The following UPF2 variants were observed in gnomAD, a reference collection of about 807,000 sequenced individuals.
UPF2 encodes regulator of nonsense transcripts 2.
Under a neutral mutation model 141.4 loss-of-function variants are expected in UPF2, and 17 were observed. The ratio of observed to expected loss-of-function variants is 0.12; its 90% CI spans 0.08 to 0.18. UPF2 has a LOEUF of 0.18. Ranked by LOEUF, UPF2 falls within the 10% of genes least tolerant of loss-of-function variation. UPF2 has a pLI of 1.00. For synonymous variants in UPF2, 540 were observed against 498.0 expected (o/e 1.08, Z -1.12); for missense variants, 1,152 against 1,515.9 (o/e 0.76, Z 3.99).
intron 16 of UPF2, among the ~76,000 whole-genome samples, chr10:11,943,671 G>T (rs189229067): frequency 2.5e-4 from 38 of 152,274 alleles, no homozygotes; most frequent in African/African-American, 9.1e-4. Flanking sequence ...GAGGATGGAA[G>T]GACAAGCTTT....
chr10:12,030,196 CAAAT>C (rs765748223), intron 2 of UPF2, among the ~76,000 whole-genome samples: 2 of 151,302 alleles, frequency 1.3e-5, no homozygotes, highest in South Asian at 2.1e-4. Flanking sequence ...AAATGTGAAA[CAAAT>C]AAAAGCAATG....
intron 8 of UPF2, among the ~76,000 whole-genome samples, chr10:11,987,761 CAAAAAAAAAAAAAAAA>C (rs572687103): frequency 9.2e-5 from 5 of 54,144 alleles, no homozygotes; most frequent in Admixed American, 2.7e-4. Flanking sequence ...GACTCTGCCT[CAAAAAAAAAAAAAAAA>C]AAAAAAAAAA....
At chr10:12,006,049 T>C (rs1249386126) in intron 4 of UPF2, among the ~76,000 whole-genome samples, 1 of 151,658 alleles carries the variant, frequency 6.6e-6, no homozygotes, top group Non-Finnish European at 1.5e-5. Flanking sequence ...CCAGCTAATT[T>C]TTCCATTTTT....
intron 14 of UPF2, among the ~76,000 whole-genome samples, chr10:11,954,706 T>C (rs956770682): frequency 6.7e-6 from 1 of 148,868 alleles, no homozygotes; most frequent in African/African-American, 2.5e-5. Flanking sequence ...CTGGGCGCGA[T>C]GGTTCATGCC....
chr10:12,036,566 A>T (rs1056618684), intron 1 of UPF2, among the ~76,000 whole-genome samples: 2 of 152,230 alleles, frequency 1.3e-5, no homozygotes, highest in Non-Finnish European at 2.9e-5. Context: ...ACAGGCTTAT[A>T]GTTAACTGAA....
chr10:11,987,980 G>A (rs145354921), intron 8 of UPF2, among the ~76,000 whole-genome samples: 4 of 152,170 alleles, frequency 2.6e-5, no homozygotes, highest in African/African-American at 9.6e-5. Flanking sequence ...ACAACTCAGA[G>A]GATGGGAGAA....
rs1180757470 is a variant in UPF2 at position 11,992,991 on chromosome 10, C to T, written c.1844+4681G>A. ...TGGTGAAACCCCGTTTCTACTAAAA[C>T]TACAAAAAATTACCCGGGCGTGGTG... On this transcript the variant is annotated intron_variant, in intron 8 of 21. Coordinates refer to ENST00000357604, the MANE Select transcript of UPF2 (RefSeq NM_015542.4). This position sits in a 1 kb window ranked among gnomAD's most constrained non-coding sequence, Gnocchi z 4.1. Among the ~76,000 whole-genome samples, 1 of 151,704 alleles carries T rather than the reference C, an allele frequency of 6.6e-6. No individual in the cohort carries two copies. The highest frequency in any genetic ancestry group is 2.4e-5 in the African/African-American group (1 of 41,298).
intron 11 of UPF2, among the ~76,000 whole-genome samples, chr10:11,962,158 G>C (rs1833251101): frequency 6.6e-6 from 1 of 152,036 alleles, no homozygotes; most frequent in South Asian, 2.1e-4. Context: ...CTGTTAGCTG[G>C]CCTGCTTTAG....
rs747907456 is a variant in UPF2 at position 12,035,323 on chromosome 10, T to C, written c.101A>G (p.Lys34Arg). The change falls in exon 2 of 22, where the codon AAG (lysine) becomes AGG (arginine). Residue 34 changes from lysine to arginine, a missense_variant. Physicochemically the swap from Lys to Arg is conservative, Grantham distance 26. This residue lies in a region of UPF2 where 145 missense variants were observed against 136.5 expected (regional missense o/e 1.06). Transcript: ENST00000357604. ...DCSERRTVSS[K>R]ERPKDDIKLT... Reference sequence around the variant, plus strand: ...CTTGATATCGTCTTTTGGCCTCTCCTTGCTGCTCACTGTCCGCCTTTCACT... The same window carrying C: ...CTTGATATCGTCTTTTGGCCTCTCCCTGCTGCTCACTGTCCGCCTTTCACT... 1.2e-6 allele frequency: 2 copies of C among 1,613,986 alleles called. No individual in the cohort carries two copies. Among genetic ancestry groups the C allele is most frequent in the East Asian group, 2.2e-5 (1 of 44,872 alleles).
chr10:12,040,622 G>A (rs1460377701), intron 1 of UPF2, among the ~76,000 whole-genome samples: 4 of 151,848 alleles, frequency 2.6e-5, no homozygotes, highest in African/African-American at 9.7e-5. Flanking sequence ...CAAAAATCTA[G>A]AAGTTCATGA....
At chr10:11,969,420 C>T (rs939290613) in intron 9 of UPF2, among the ~76,000 whole-genome samples, 3 of 152,080 alleles carry the variant, frequency 2.0e-5, no homozygotes, top group Admixed American at 1.3e-4. Flanking sequence ...CCACCCGCCT[C>T]GGCCTCCAAA....
At chr10:12,041,049 A>G (rs58753018) in intron 1 of UPF2, among the ~76,000 whole-genome samples, 2,800 of 152,272 alleles carry the variant, frequency 0.018, 85 homozygotes, top group African/African-American at 0.063. Flanking sequence ...CTTTTTCACT[A>G]CCTACACTAA....
chr10:12,036,534 T>C (rs1017997157), intron 1 of UPF2, among the ~76,000 whole-genome samples: 5 of 152,208 alleles, frequency 3.3e-5, no homozygotes, highest in African/African-American at 9.6e-5. Context: ...GAAAGTTCTA[T>C]TGGATAGCAT....
intron 4 of UPF2, among the ~76,000 whole-genome samples, chr10:12,011,894 G>A (rs1252775150): frequency 1.5e-4 from 23 of 151,572 alleles, no homozygotes; most frequent in African/African-American, 4.8e-4. Flanking sequence ...GCAGTGAGCC[G>A]AGATCGCGCC....
chr10:12,000,131 T>G, intron 6 of UPF2, 122 bp from the exon 7 acceptor site: 1 of 747,598 alleles, frequency 1.3e-6, no homozygotes, highest in Non-Finnish European at 2.2e-6. Flanking sequence ...AGGAAAACAT[T>G]AGTCATTTTT....
rs1833891361 is a variant in UPF2 at position 11,998,013 on chromosome 10, C to T, written c.1759-256G>A. Among the ~76,000 whole-genome samples, 1 of 152,168 alleles carries T rather than the reference C, an allele frequency of 6.6e-6. No homozygotes were observed. The highest frequency in any genetic ancestry group is 1.5e-5 in the Non-Finnish European group (1 of 68,026). On this transcript the variant is annotated intron_variant, in intron 7 of 21. Transcript: ENST00000357604. This position sits in a 1 kb window ranked among gnomAD's most constrained non-coding sequence, Gnocchi z 4.5. ...AGGGGAATGAGCAAAGAGAAAGAGA[C>T]AGGCACAAATTATACCCAAGAAGAT...
In UPF2 at chr10:11,979,906, C is replaced by CGAAT. The variant is rs1037475013; in HGVS notation, c.1845-745_1845-742dup. The stretch of plus-strand genomic sequence containing the variant: ...GGTGACAAAGCAAGACTCCATCAAA[C>CGAAT]GAATGAATGAATGAATGAATGGTAC... On this transcript the variant is annotated intron_variant, in intron 8 of 21. Transcript: ENST00000357604. The surrounding 1 kb of genome is among the most constrained non-coding windows in gnomAD (Gnocchi z 6.2). Among the ~76,000 whole-genome samples, 3 of 152,056 alleles carry CGAAT rather than the reference C, an allele frequency of 2.0e-5. No homozygotes were observed. The highest frequency in any genetic ancestry group is 2.1e-4 in the South Asian group (1 of 4,810).
intron 3 of UPF2, among the ~76,000 whole-genome samples, chr10:12,021,533 T>C (rs1400624135): frequency 1.3e-5 from 2 of 151,582 alleles, no homozygotes; most frequent in Non-Finnish European, 2.9e-5. Context: ...AAAAAAAGGA[T>C]CATATGTGGG....
Position 12,019,983 on chromosome 10 carries a change from C to T in UPF2, c.1146-5799G>A, listed in dbSNP as rs534527563. 1.6e-3 allele frequency among the ~76,000 whole-genome samples: 240 copies of T among 152,276 alleles called. 1 individual carries two copies. The highest frequency in any genetic ancestry group is 5.4e-3 in the African/African-American group (223 of 41,552). ...CAGGTGATCTGCCCACCTCAGCCTC[C>T]CAAACCGCTGGGATTACAGGCATGA... On this transcript the variant is annotated intron_variant, in intron 3 of 21. Coordinates refer to ENST00000357604, the MANE Select transcript of UPF2 (RefSeq NM_015542.4). The surrounding 1 kb of genome is among the most constrained non-coding windows in gnomAD (Gnocchi z 4.5).
Sources: allele counts gnomAD v4.1 joint callset (sites outside exome capture counted in the v4.1 genomes callset), GRCh38; gene constraint gnomAD v4.1.1; regional missense constraint gnomAD v4.1.1; non-coding constraint Gnocchi (gnomAD v3.1); transcripts MANE v1.5; gene names NCBI Gene and HGNC (gene_info 2026-07-23, HGNC 2026-07-21).